Variants in MSR1 observed in about 807,000 individuals in gnomAD.
MSR1 encodes the protein macrophage scavenger receptor types I and II.
MSR1 carries 53 observed loss-of-function variants against 47.2 expected under a neutral mutation model. The observed-to-expected ratio is 1.12, with a 90% CI of 0.90 to 1.41. MSR1 has a LOEUF of 1.41. MSR1 is among the 40% of genes most tolerant of loss of function. The pLI, the probability that MSR1 is intolerant of heterozygous loss-of-function variation, is 0.00. For missense variants in MSR1, 786 were observed against 546.9 expected (o/e 1.44, Z -4.36); for synonymous variants, 239 against 185.6 (o/e 1.29, Z -2.34).
intron 9 of MSR1, among the ~76,000 whole-genome samples, chr8:16,117,706 T>A (rs969300010): frequency 2.0e-5 from 3 of 151,888 alleles, no homozygotes; most frequent in Non-Finnish European, 4.4e-5. Context: ...GCAACCAAAG[T>A]GAGATTATGG....
At chr8:16,175,090 T>G in intron 3 of MSR1, 97 bp downstream of exon 3, 3 of 938,438 alleles carry the variant, frequency 3.2e-6, no homozygotes, top group Non-Finnish European at 3.5e-6. Flanking sequence ...TCTTTATGAA[T>G]GTACCATATA....
intron 3 of MSR1, among the ~76,000 whole-genome samples, chr8:16,172,197 A>G (rs1482608178): frequency 6.6e-6 from 1 of 152,172 alleles, no homozygotes; most frequent in Non-Finnish European, 1.5e-5. Context: ...TTCACTGGAA[A>G]TAAGATTTAT....
At chr8:16,119,932 T>C (rs2117059993) in intron 9 of MSR1, among the ~76,000 whole-genome samples, 1 of 147,778 alleles carries the variant, frequency 6.8e-6, no homozygotes, top group East Asian at 2.1e-4. Context: ...TCCACGCTGG[T>C]CTTGAACTCA....
intron 1 of MSR1, among the ~76,000 whole-genome samples, chr8:16,191,997 C>T (rs1401039462): frequency 6.6e-6 from 1 of 152,108 alleles, no homozygotes; most frequent in East Asian, 1.9e-4. Context: ...ATAGTACTTT[C>T]ATACTACTTA....
At chr8:16,176,054 T>C (rs1316431041) in intron 2 of MSR1, among the ~76,000 whole-genome samples, 2 of 152,194 alleles carry the variant, frequency 1.3e-5, no homozygotes, top group African/African-American at 4.8e-5. Context: ...ATTAGTTGAA[T>C]ACAATGGTCA....
intron 9 of MSR1, among the ~76,000 whole-genome samples, chr8:16,118,027 T>C (rs1024719150): frequency 5.7e-4 from 87 of 152,140 alleles, no homozygotes; most frequent in African/African-American, 2.0e-3. Context: ...ACCACTGTCT[T>C]AAAGAAACAA....
intron 8 of MSR1, chr8:16,140,501 A>C (rs1265935249): frequency 7.1e-6 from 7 of 991,600 alleles, no homozygotes; most frequent in Non-Finnish European, 8.4e-6. Context: ...CATGGCGAGA[A>C]ATACTACCAA....
intron 8 of MSR1, among the ~76,000 whole-genome samples, chr8:16,138,590 T>A (rs1800448926): frequency 6.6e-6 from 1 of 152,138 alleles, no homozygotes; most frequent in African/African-American, 2.4e-5. Context: ...TTTAACTGAA[T>A]CCCTGGAATT....
rs1278072707 is a variant in MSR1 at position 16,109,373 on chromosome 8, T to A, written c.*712A>T. On this transcript the variant is annotated 3_prime_UTR_variant, in exon 10 of 10. Transcript: ENST00000262101. ...TTTAAAGTGCATAACAAACTAAACT[T>A]CCTGTTAAGTGGCATTTTTGATCCA... 1 of 152,172 alleles carries A rather than the reference T, an allele frequency of 6.6e-6. No individual in the cohort carries two copies. The highest frequency in any genetic ancestry group is 1.5e-5 in the Non-Finnish European group (1 of 68,052). 9.4% of individuals were successfully genotyped at this position (152,172 alleles called of 1,614,324 possible). A position where few individuals can be genotyped will look rare whatever the true frequency, so the allele number is the denominator to read the frequency against.
intron 1 of MSR1, among the ~76,000 whole-genome samples, chr8:16,182,779 C>T (rs527691152): frequency 9.9e-5 from 15 of 152,270 alleles, no homozygotes; most frequent in African/African-American, 3.6e-4. Flanking sequence ...TCCTAAAGGA[C>T]ATACCTGAGG....
At chr8:16,164,344 A>G in intron 4 of MSR1, 93 bp from the exon 5 acceptor site, 1 of 1,054,314 alleles carries the variant, frequency 9.5e-7, no homozygotes, top group Non-Finnish European at 1.4e-6. Flanking sequence ...AGGTTTTTAA[A>G]AACATATTAT....
At chr8:16,159,341 C>T (rs1801099035) in intron 5 of MSR1, among the ~76,000 whole-genome samples, 1 of 151,846 alleles carries the variant, frequency 6.6e-6, no homozygotes, top group Non-Finnish European at 1.5e-5. Flanking sequence ...TTCATCTTTG[C>T]TTCTTTAAAT....
At chr8:16,139,954 T>C (rs1800508216) in intron 8 of MSR1, 2 of 411,532 alleles carry the variant, frequency 4.9e-6, no homozygotes, top group Non-Finnish European at 6.5e-6. Context: ...CCAGTATAGC[T>C]TAGATGTATT....
At chr8:16,165,935 C>G in intron 4 of MSR1, among the ~76,000 whole-genome samples, 1 of 152,050 alleles carries the variant, frequency 6.6e-6, no homozygotes, top group East Asian at 1.9e-4. Flanking sequence ...CTGTACAATA[C>G]CATCATTACA....
intron 1 of MSR1, 41 bp from the exon 2 acceptor site, chr8:16,178,033 A>C (rs112846336): frequency 6.9e-7 from 1 of 1,453,038 alleles, no homozygotes. Flanking sequence ...TCCACATGAA[A>C]TGGCTAGGGC....
intron 1 of MSR1, among the ~76,000 whole-genome samples, chr8:16,189,385 A>C: frequency 1.0e-5 from 1 of 97,438 alleles, no homozygotes; most frequent in Non-Finnish European, 1.8e-5. Flanking sequence ...ATATATATAA[A>C]ATCTTATTTT....
rs762406153 is a variant in MSR1, at chr8:16,110,083, C to T, written c.*2G>A. 12 of 1,613,348 alleles carry T rather than the reference C, an allele frequency of 7.4e-6. No individual in the cohort carries two copies. In the Admixed American group the frequency reaches 8.3e-5, roughly 11 times the overall value. Reference sequence around the variant, plus strand: ...CATAGTTGTGAATGAAAATATGATGCATTATAAAGTGCAAGTGACTCCAGC... The same window carrying T: ...CATAGTTGTGAATGAAAATATGATGTATTATAAAGTGCAAGTGACTCCAGC... On this transcript the variant is annotated 3_prime_UTR_variant, in exon 10 of 10. Coordinates refer to ENST00000262101, the MANE Select transcript of MSR1 (RefSeq NM_138715.3).
intron 8 of MSR1, among the ~76,000 whole-genome samples, chr8:16,127,803 C>G (rs1800163159): frequency 6.6e-6 from 1 of 152,098 alleles, no homozygotes; most frequent in Non-Finnish European, 1.5e-5. Flanking sequence ...AACCAATAGA[C>G]TCTATTTTGT....
chr8:16,173,322 G>A (rs902476336), intron 3 of MSR1, among the ~76,000 whole-genome samples: 2 of 152,176 alleles, frequency 1.3e-5, no homozygotes, highest in African/African-American at 4.8e-5. Context: ...TGCGGTCCCT[G>A]GTGCTGGTAC....
Sources: gnomAD v4.1 joint callset for allele counts (sites outside exome capture counted in the v4.1 genomes callset) on GRCh38, gnomAD v4.1.1 for gene constraint, MANE v1.5 for transcripts, NCBI Gene and HGNC (gene_info 2026-07-23, HGNC 2026-07-21) for gene names.